Variants in BCR observed in about 807,000 individuals in gnomAD.
BCR encodes breakpoint cluster region protein.
A neutral mutation model predicts 138.6 loss-of-function variants in BCR; 58 were observed. The observed-to-expected ratio is 0.42, with a 90% confidence interval of 0.34 to 0.52. The LOEUF (loss-of-function observed/expected upper bound fraction) is 0.52, where lower values mean the gene tolerates loss of function less well. Ranked by LOEUF, BCR falls within the 20% of genes least tolerant of loss-of-function variation. BCR has a pLI of 0.06. For synonymous variants in BCR, 786 were observed against 730.1 expected (o/e 1.08, Z -1.23); for missense variants, 1,599 against 1,727.2 (o/e 0.93, Z 1.32).
chr22:23,284,560 C>CA (rs2146300370), intron 9 of BCR, among the ~76,000 whole-genome samples: 1 of 152,306 alleles, frequency 6.6e-6, no homozygotes, highest in East Asian at 1.9e-4. Context: ...TGGGAAGGAC[C>CA]AGCACGGGGC....
At chr22:23,272,005 T>G (rs762800682) in intron 6 of BCR, among the ~76,000 whole-genome samples, 1 of 152,136 alleles carries the variant, frequency 6.6e-6, no homozygotes, top group Non-Finnish European at 1.5e-5. Context: ...TTTGTATTTT[T>G]AATAGAGATG....
intron 1 of BCR, among the ~76,000 whole-genome samples, chr22:23,209,905 C>T (rs992386010): frequency 2.0e-5 from 3 of 152,166 alleles, no homozygotes; most frequent in African/African-American, 7.2e-5. Context: ...ACTGTGATTA[C>T]AGACATGCAC....
intron 1 of BCR, chr22:23,242,813 C>T (rs2073109199): frequency 8.8e-6 from 4 of 454,214 alleles, no homozygotes; most frequent in South Asian, 6.2e-5. Flanking sequence ...TTTATTCTCT[C>T]CCAGTTCTGA....
intron 16 of BCR, among the ~76,000 whole-genome samples, chr22:23,297,572 C>G (rs1602118585): frequency 6.6e-6 from 1 of 152,182 alleles, no homozygotes; most frequent in African/African-American, 2.4e-5. Flanking sequence ...CTGTCTCCCC[C>G]ACCCAGCCTA....
chr22:23,273,672 C>A lies in BCR; in HGVS notation c.2013C>A (p.His671Gln), dbSNP rs756118491. ...LKHTPASHPD[H>Q]PLLQDALRIS... ...ACACTCCTGCCAGCCACCCTGACCA[C>A]CCCTTGCTGCAGGACGCCCTCCGCA... Residue 671 changes from histidine (H) to glutamine (Q), a missense_variant, in exon 8 of 23, where the codon CAC (histidine) becomes CAA (glutamine). Around this residue, in one of 4 missense-constraint regions of BCR, gnomAD observed 590 missense variants for 762.4 expected, o/e 0.77. Transcript: ENST00000305877. 16 of 1,613,996 alleles carry A rather than the reference C, an allele frequency of 9.9e-6. No individual in the cohort carries two copies. The African/African-American group carries it at 1.3e-4, about 13-fold the overall frequency.
intron 12 of BCR, among the ~76,000 whole-genome samples, chr22:23,288,464 C>T (rs1397514984): frequency 1.3e-5 from 2 of 151,352 alleles, no homozygotes; most frequent in African/African-American, 2.4e-5. Context: ...TCCACACCTG[C>T]CCCTACACAC....
chr22:23,200,462 G>A (rs1263750786), intron 1 of BCR, among the ~76,000 whole-genome samples: 1 of 151,926 alleles, frequency 6.6e-6, no homozygotes, highest in Admixed American at 6.6e-5. Flanking sequence ...CTACAGGCAT[G>A]CACCACCATC....
rs1022294438 is a variant in BCR at position 23,266,388 on chromosome 22, C to CT, written c.1753-2009dup. 3.9e-3 allele frequency among the ~76,000 whole-genome samples: 567 copies of CT among 143,722 alleles called. 5 individuals are homozygous for CT. The highest frequency in any genetic ancestry group is 0.012 in the African/African-American group (467 of 39,312). The allele number at this position is 143,722 out of a possible 152,430, so 94.3% of individuals were successfully genotyped here. A position where few individuals can be genotyped will look rare whatever the true frequency, so the allele number is the denominator to read the frequency against. On this transcript the variant is annotated intron_variant, in intron 4 of 22. Transcript: ENST00000305877. Reference sequence around the variant, plus strand: ...ATAGGCATGAGCCACCGCACCCTGCCTTTTTTTTTTTCCCTTTTGGAGATG... The same window carrying CT: ...ATAGGCATGAGCCACCGCACCCTGCCTTTTTTTTTTTTCCCTTTTGGAGATG...
chr22:23,218,199 G>T lies in BCR; in HGVS notation c.1280-35600G>T, dbSNP rs549675014. Reference sequence around the variant, plus strand: ...GACCTGACCCTCAGGCCCTGCCAGTGCCCTGGCTTCCAGGCAGATCTGGGC... The same window carrying T: ...GACCTGACCCTCAGGCCCTGCCAGTTCCCTGGCTTCCAGGCAGATCTGGGC... On this transcript the variant is annotated intron_variant, in intron 1 of 22. Transcript: ENST00000305877. 2.2e-4 allele frequency among the ~76,000 whole-genome samples: 33 copies of T among 152,226 alleles called. 1 individual carries two copies. In the Middle Eastern group the frequency reaches 0.017, roughly 78 times the overall value.
In BCR at chr22:23,311,693, G is replaced by A. The variant is rs180801; in HGVS notation, c.3183-4G>A. On this transcript the variant is annotated splice_region_variant and splice_polypyrimidine_tract_variant and intron_variant, in intron 18 of 22. Transcript: ENST00000305877. ...GACACTGAGAACATTCCCTCCTCCC[G>A]CAGGAGAGAGAGGTCCAAGGTGCCC... 0.39 allele frequency: 621,770 copies of A among 1,585,568 alleles called. 121,691 individuals carry two copies. Among genetic ancestry groups the A allele is most frequent in the East Asian group, 0.61 (26,903 of 44,454 alleles).
intron 8 of BCR, among the ~76,000 whole-genome samples, chr22:23,280,223 G>A (rs974851727): frequency 6.6e-6 from 1 of 152,206 alleles, no homozygotes; most frequent in Admixed American, 6.5e-5. Context: ...TGGATAGGCT[G>A]TGCCTGGGGT....
intron 1 of BCR, among the ~76,000 whole-genome samples, chr22:23,190,515 G>T (rs1327066530): frequency 6.6e-6 from 1 of 152,166 alleles, no homozygotes; most frequent in Non-Finnish European, 1.5e-5. Context: ...ATTAAGGTGG[G>T]CAGTAAAGAC....
Position 23,263,170 on chromosome 22 carries a change from C to T in BCR, c.1752+1630C>T, listed in dbSNP as rs2073389863. ...GCAGCCAGGGAGGAGGAGGAGGAGG[C>T]GGCTCGGGAGTCAGCCGCCTGCCCG... is the stretch of plus-strand genomic sequence containing the variant. On this transcript the variant is annotated intron_variant, in intron 4 of 22. Coordinates refer to ENST00000305877, the MANE Select transcript of BCR (RefSeq NM_004327.4). 19 of 802,438 alleles carry T rather than the reference C, an allele frequency of 2.4e-5. 1 individual carries two copies. Among genetic ancestry groups the T allele is most frequent in the South Asian group, 3.6e-5 (2 of 55,478 alleles). 49.7% of individuals were successfully genotyped at this position (802,438 alleles called of 1,614,324 possible). A position where few individuals can be genotyped will look rare whatever the true frequency, so the allele number is the denominator to read the frequency against.
chr22:23,237,936 A>C (rs977023192), intron 1 of BCR, among the ~76,000 whole-genome samples: 1 of 152,188 alleles, frequency 6.6e-6, no homozygotes, highest in Non-Finnish European at 1.5e-5. Flanking sequence ...TGCGCTGCTA[A>C]ATGTTGCAGG....
chr22:23,298,753 G>A (rs1190051521), intron 16 of BCR, among the ~76,000 whole-genome samples: 2 of 151,898 alleles, frequency 1.3e-5, no homozygotes, highest in African/African-American at 4.8e-5. Flanking sequence ...GTGCCACCAC[G>A]CCTGGCTAAT....
Position 23,285,105 on chromosome 22 carries a change from G to A in BCR, c.2310G>A (p.Leu770=), listed in dbSNP as rs1318543536. The A allele has an allele frequency of 2.5e-6, 4 of 1,614,100 alleles. No homozygotes were observed. Among genetic ancestry groups the A allele is most frequent in the Non-Finnish European group, 1.7e-6 (2 of 1,180,010 alleles). ...TCAGCTTCCAGATGGTGGATGAACTGGAGGCAGTGCCCAACATCCCCCTGG... is the reference window on the plus strand; with the variant it reads ...TCAGCTTCCAGATGGTGGATGAACTAGAGGCAGTGCCCAACATCCCCCTGG... ...TDLSFQMVDE[L]EAVPNIPLVP... is the part of the protein sequence containing the mutation. Residue 770 remains leucine (L), a synonymous_variant, in exon 10 of 23, where the codon CTG becomes CTA. Coordinates refer to ENST00000305877, the MANE Select transcript of BCR (RefSeq NM_004327.4).
chr22:23,212,843 C>T (rs1482583869), intron 1 of BCR, among the ~76,000 whole-genome samples: 1 of 152,258 alleles, frequency 6.6e-6, no homozygotes, highest in East Asian at 1.9e-4. Flanking sequence ...CAGCTGCAAG[C>T]TGCACACCCT....
chr22:23,217,515 G>A (rs5996494), intron 1 of BCR, among the ~76,000 whole-genome samples: 10,261 of 152,208 alleles, frequency 0.067, 1,184 homozygotes, highest in African/African-American at 0.23. Flanking sequence ...TCCTCTGTAA[G>A]GTAGGCGTGG....
chr22:23,269,433 C>T (rs952314389), intron 5 of BCR, among the ~76,000 whole-genome samples: 3 of 152,204 alleles, frequency 2.0e-5, no homozygotes, highest in African/African-American at 7.2e-5. Context: ...GGCATGGGCA[C>T]TAGAAATAGG....
Sources: allele counts gnomAD v4.1 joint callset (sites outside exome capture counted in the v4.1 genomes callset), GRCh38; gene constraint gnomAD v4.1.1; regional missense constraint gnomAD v4.1.1; transcripts MANE v1.5; gene names NCBI Gene and HGNC (gene_info 2026-07-23, HGNC 2026-07-21).